ELAPOR2: variants seen among roughly 807,000 people sequenced by gnomAD.
ELAPOR2 encodes the protein endosome/lysosome-associated apoptosis and autophagy regulator family member 2.
In ELAPOR2, 89 loss-of-function variants were observed where a neutral mutation model predicts 120.7. That is an observed-to-expected ratio of 0.74 (90% confidence interval 0.62 to 0.88). ELAPOR2 has a LOEUF of 0.88. Among genes scored for constraint, ELAPOR2 ranks in the 40% least tolerant of loss-of-function variants. ELAPOR2 has a pLI of 0.00. For synonymous variants in ELAPOR2, 444 were observed against 444.9 expected (o/e 1.00, Z 0.03); for missense variants, 1,134 against 1,251.6 (o/e 0.91, Z 1.42).
At chr7:87,005,269 G>A (rs1425737335) in intron 1 of ELAPOR2, among the ~76,000 whole-genome samples, 5 of 152,066 alleles carry the variant, frequency 3.3e-5, no homozygotes, top group Non-Finnish European at 7.4e-5. Context: ...AAGCATCATG[G>A]CACATAATGC....
intron 1 of ELAPOR2, among the ~76,000 whole-genome samples, chr7:86,970,261 C>A (rs1004793376): frequency 6.6e-6 from 1 of 152,096 alleles, no homozygotes. Context: ...CAGTAGAAAG[C>A]CTCTATCTTC....
intron 4 of ELAPOR2, among the ~76,000 whole-genome samples, chr7:86,943,769 G>T (rs750137208): frequency 3.7e-4 from 57 of 152,092 alleles, no homozygotes; most frequent in Non-Finnish European, 7.4e-4. Flanking sequence ...CTCTCAGAAG[G>T]ATTTTGCAAA....
intron 1 of ELAPOR2, chr7:86,966,087 A>G (rs1791892249): frequency 3.2e-6 from 1 of 311,570 alleles, no homozygotes; most frequent in Non-Finnish European, 4.7e-6. Context: ...TCTTCCCTCA[A>G]TGTATCTTGC....
intron 1 of ELAPOR2, among the ~76,000 whole-genome samples, chr7:86,983,907 T>A (rs1792608224): frequency 6.6e-6 from 1 of 151,660 alleles, no homozygotes; most frequent in Non-Finnish European, 1.5e-5. Context: ...GGATAAAGAG[T>A]CAAGACCCAT....
chr7:87,039,508 C>A (rs945379053), intron 1 of ELAPOR2, among the ~76,000 whole-genome samples: 3 of 152,066 alleles, frequency 2.0e-5, no homozygotes, highest in Non-Finnish European at 4.4e-5. Flanking sequence ...AAATCCTCAA[C>A]AAAATACTAG....
chr7:87,045,526 C>T (rs1393853961), intron 1 of ELAPOR2, among the ~76,000 whole-genome samples: 2 of 149,188 alleles, frequency 1.3e-5, no homozygotes, highest in South Asian at 2.1e-4. Flanking sequence ...CCAAACACCA[C>T]ATATTCTCAC....
intron 18 of ELAPOR2, among the ~76,000 whole-genome samples, chr7:86,899,989 C>A (rs1289342729): frequency 6.6e-6 from 1 of 151,694 alleles, no homozygotes; most frequent in Non-Finnish European, 1.5e-5. Flanking sequence ...TAAAAAGCAA[C>A]TCAAAATTTT....
At chr7:86,980,390 C>G (rs1258976705) in intron 1 of ELAPOR2, among the ~76,000 whole-genome samples, 1 of 152,148 alleles carries the variant, frequency 6.6e-6, no homozygotes, top group East Asian at 1.9e-4. Context: ...TGAGGCAGTT[C>G]CCTCTTTTAT....
intron 1 of ELAPOR2, among the ~76,000 whole-genome samples, chr7:87,005,921 G>A (rs1793456136): frequency 6.6e-6 from 1 of 152,076 alleles, no homozygotes. Flanking sequence ...AGGTAAATAA[G>A]ACTTTACTGA....
rs530076608 is a variant in ELAPOR2, at chr7:86,951,151, GT to G, written c.311-3230del. 2.9e-3 allele frequency among the ~76,000 whole-genome samples: 444 copies of G among 152,216 alleles called. 2 individuals carry two copies. The highest frequency in any genetic ancestry group is 6.8e-3 in the Middle Eastern group (2 of 294). On this transcript the variant is annotated intron_variant, in intron 2 of 21. Coordinates refer to ENST00000450689, the MANE Select transcript of ELAPOR2 (RefSeq NM_001142749.3). ...CTCACTACCTGCTTTTGTAAATAAA[GT>G]TTTATTGAAACCCAATCCCGATCAT...
At chr7:87,014,027 C>CTTTTT in intron 1 of ELAPOR2, among the ~76,000 whole-genome samples, 1 of 122,432 alleles carries the variant, frequency 8.2e-6, no homozygotes, top group South Asian at 2.8e-4. Flanking sequence ...ATGTTTTTCA[C>CTTTTT]TTTTTTTTTT....
At chr7:86,981,832 G>C (rs145203464) in intron 1 of ELAPOR2, among the ~76,000 whole-genome samples, 34 of 152,330 alleles carry the variant, frequency 2.2e-4, no homozygotes, top group African/African-American at 7.7e-4. Context: ...AGCCCACTGA[G>C]GGTGAGCCAA....
intron 1 of ELAPOR2, among the ~76,000 whole-genome samples, chr7:86,979,810 A>G (rs1398434229): frequency 6.6e-6 from 1 of 152,236 alleles, no homozygotes; most frequent in Admixed American, 6.5e-5. Flanking sequence ...GGACAGAAGT[A>G]GCTCAGGAGA....
At chr7:86,902,264 C>T (rs1005743326) in intron 18 of ELAPOR2, among the ~76,000 whole-genome samples, 2 of 152,152 alleles carry the variant, frequency 1.3e-5, no homozygotes, top group East Asian at 1.9e-4. Flanking sequence ...ACAACCTCCA[C>T]CTCCTGGGTT....
Position 86,892,986 on chromosome 7 carries a change from C to A in ELAPOR2, c.2800G>T (p.Val934Leu). The A allele has an allele frequency of 6.3e-7, 1 of 1,575,646 alleles. No individual in the cohort carries two copies. Among genetic ancestry groups the A allele is most frequent in the Non-Finnish European group, 8.6e-7 (1 of 1,167,868 alleles). ...AGCAAAACGGCAGTAAAAGCTCCCA[C>A]ACCGGCTCCCACCTTCAGCCAAAAG... ...VDFWLKVGAG[V>L]GAFTAVLLVA... The change falls in exon 20 of 22, where the codon GTG (valine) becomes TTG (leucine). Residue 934 changes from valine to leucine, a missense_variant. By Grantham distance (32) the Val-to-Leu change is conservative. This residue lies in a region of ELAPOR2 where 831 missense variants were observed against 867.6 expected (regional missense o/e 0.96). Coordinates refer to ENST00000450689, the MANE Select transcript of ELAPOR2 (RefSeq NM_001142749.3).
At chr7:86,913,659 C>A (rs1012724603) in intron 13 of ELAPOR2, among the ~76,000 whole-genome samples, 1 of 152,146 alleles carries the variant, frequency 6.6e-6, no homozygotes, top group Non-Finnish European at 1.5e-5. Context: ...GACCTCTAGT[C>A]ATACACAAAC....
chr7:87,043,242 T>C (rs1261514332), intron 1 of ELAPOR2, among the ~76,000 whole-genome samples: 1 of 151,382 alleles, frequency 6.6e-6, no homozygotes, highest in African/African-American at 2.4e-5. Context: ...AAAGAGGGAA[T>C]CCTCCCTAAC....
At chr7:86,974,940 G>C (rs754860803) in intron 1 of ELAPOR2, among the ~76,000 whole-genome samples, 4 of 152,078 alleles carry the variant, frequency 2.6e-5, no homozygotes, top group Non-Finnish European at 4.4e-5. Context: ...GGCTTTAAAG[G>C]CCAGGTCATA....
chr7:86,880,455 C>CT lies in ELAPOR2; in HGVS notation c.*15dup, dbSNP rs754823394. On this transcript the variant is annotated 3_prime_UTR_variant, in exon 22 of 22. Coordinates refer to ENST00000450689, the MANE Select transcript of ELAPOR2 (RefSeq NM_001142749.3). The stretch of plus-strand genomic sequence containing the variant: ...GTTTCTTTGTTCATTAGTCTCAAGG[C>CT]TACAGCACTGTCTCTTCATATATTT... 1 of 1,590,282 alleles carries CT rather than the reference C, an allele frequency of 6.3e-7. No individual in the cohort carries two copies. Among genetic ancestry groups the CT allele is most frequent in the Non-Finnish European group, 8.6e-7 (1 of 1,158,714 alleles).
Sources: gnomAD v4.1 joint callset for allele counts (sites outside exome capture counted in the v4.1 genomes callset) on GRCh38, gnomAD v4.1.1 for gene constraint, gnomAD v4.1.1 regional missense constraint, MANE v1.5 for transcripts, NCBI Gene and HGNC (gene_info 2026-07-23, HGNC 2026-07-21) for gene names.